UGGT2: variants seen among roughly 807,000 people sequenced by gnomAD.
The protein encoded by UGGT2 is UDP-glucose:glycoprotein glucosyltransferase 2.
In UGGT2, 180 loss-of-function variants were observed where a neutral mutation model predicts 192.1. The observed-to-expected ratio is 0.94, with a 90% CI of 0.83 to 1.06. UGGT2 has a LOEUF of 1.06. Among genes scored for constraint, UGGT2 ranks in the 50% least tolerant of loss-of-function variants. The pLI is 0.00. For synonymous variants in UGGT2, 580 were observed against 591.0 expected, an observed-to-expected ratio of 0.98 and a Z score of 0.27; for missense variants, 1,849 against 1,795.7, an observed-to-expected ratio of 1.03 and a Z score of -0.54.
chr13:95,936,464 C>T (rs2049466276), intron 17 of UGGT2, among the ~76,000 whole-genome samples: 1 of 152,188 alleles, frequency 6.6e-6, no homozygotes, highest in Non-Finnish European at 1.5e-5. Context: ...GTCTGGCCTC[C>T]CTGCTCAGAC....
intron 38 of UGGT2, among the ~76,000 whole-genome samples, chr13:95,825,053 A>C (rs1212010466): frequency 1.3e-5 from 2 of 151,930 alleles, no homozygotes; most frequent in African/African-American, 2.4e-5. Flanking sequence ...GGTTGTGGAG[A>C]GTCTTTCTAT....
intron 17 of UGGT2, among the ~76,000 whole-genome samples, chr13:95,929,374 G>A (rs1230295198): frequency 6.6e-6 from 1 of 152,070 alleles, no homozygotes; most frequent in East Asian, 1.9e-4. Flanking sequence ...GCTGAAGTTG[G>A]GGTTATGACT....
At chr13:95,856,855 T>C (rs1201818513) in intron 33 of UGGT2, among the ~76,000 whole-genome samples, 1 of 152,146 alleles carries the variant, frequency 6.6e-6, no homozygotes, top group Non-Finnish European at 1.5e-5. Flanking sequence ...GGATTAAAAA[T>C]ACAAAGTAGT....
intron 20 of UGGT2, among the ~76,000 whole-genome samples, chr13:95,905,613 G>A (rs1460800440): frequency 6.6e-6 from 1 of 151,896 alleles, no homozygotes; most frequent in Non-Finnish European, 1.5e-5. Flanking sequence ...TTGTAGATAT[G>A]CGGCGTTATT....
At chr13:95,851,883 T>C (rs955845225) in intron 36 of UGGT2, among the ~76,000 whole-genome samples, 1 of 151,994 alleles carries the variant, frequency 6.6e-6, no homozygotes, top group Non-Finnish European at 1.5e-5. Flanking sequence ...TCATTCATAT[T>C]TAAGACTAAG....
intron 4 of UGGT2, among the ~76,000 whole-genome samples, chr13:96,022,266 A>T (rs2052536624): frequency 6.6e-6 from 1 of 152,118 alleles, no homozygotes; most frequent in Non-Finnish European, 1.5e-5. Flanking sequence ...TTAATGTAAA[A>T]TAAAAGGAAA....
At chr13:95,992,144 C>T (rs1480825536) in intron 7 of UGGT2, among the ~76,000 whole-genome samples, 2 of 151,894 alleles carry the variant, frequency 1.3e-5, no homozygotes, top group African/African-American at 4.8e-5. Flanking sequence ...GCCTGGGTGA[C>T]AGAGCTAGAG....
At chr13:95,983,695 CA>C in intron 10 of UGGT2, 108 bp downstream of exon 10, 1 of 867,892 alleles carries the variant, frequency 1.2e-6, no homozygotes, top group Non-Finnish European at 1.8e-6. Context: ...TTTTAATAAT[CA>C]AAAAAGCACA....
intron 29 of UGGT2, among the ~76,000 whole-genome samples, chr13:95,874,234 G>A (rs1043104386): frequency 2.0e-5 from 3 of 152,144 alleles, no homozygotes; most frequent in Non-Finnish European, 4.4e-5. Flanking sequence ...CTTATCCACA[G>A]GGTATAGGTT....
chr13:95,897,220 T>C (rs1336683649), intron 22 of UGGT2, among the ~76,000 whole-genome samples: 1 of 151,980 alleles, frequency 6.6e-6, no homozygotes, highest in African/African-American at 2.4e-5. Context: ...ATCATTCTCA[T>C]TGTCCAAATG....
intron 5 of UGGT2, among the ~76,000 whole-genome samples, chr13:96,001,158 C>T (rs532133582): frequency 3.3e-5 from 5 of 152,262 alleles, no homozygotes; most frequent in South Asian, 4.1e-4. Context: ...CACGTATATG[C>T]CCAGATGGCC....
At chr13:95,949,535 T>C (rs1014249376) in intron 12 of UGGT2, 81 bp from the exon 13 acceptor site, 2 of 1,256,498 alleles carry the variant, frequency 1.6e-6, no homozygotes, top group African/African-American at 1.5e-5. Flanking sequence ...TATATCGTGA[T>C]AAATAAAAAT....
At chr13:95,983,575 C>T (rs980508525) in intron 10 of UGGT2, 11 of 604,492 alleles carry the variant, frequency 1.8e-5, no homozygotes, top group African/African-American at 9.0e-5. Flanking sequence ...CATACTACCT[C>T]GGAAGAAATT....
intron 12 of UGGT2, among the ~76,000 whole-genome samples, chr13:95,951,320 G>A (rs1488731681): frequency 6.6e-6 from 1 of 152,230 alleles, no homozygotes; most frequent in East Asian, 1.9e-4. Flanking sequence ...GCATATTTGA[G>A]CAGTTAGAAG....
At chr13:95,924,692 ATC>A (rs1359175966) in intron 20 of UGGT2, among the ~76,000 whole-genome samples, 1 of 152,056 alleles carries the variant, frequency 6.6e-6, no homozygotes, top group Non-Finnish European at 1.5e-5. Flanking sequence ...CTCAGTCTTT[ATC>A]TCTTTACCCT....
At chr13:95,927,412 A>G in intron 17 of UGGT2, 76 bp from the exon 18 acceptor site, 2 of 1,230,338 alleles carry the variant, frequency 1.6e-6, no homozygotes, top group Non-Finnish European at 2.2e-6. Flanking sequence ...AGATAACACA[A>G]AGATTACTTA....
chr13:95,882,755 C>T (rs1041589163), intron 27 of UGGT2, among the ~76,000 whole-genome samples: 3 of 152,178 alleles, frequency 2.0e-5, no homozygotes, highest in Non-Finnish European at 2.9e-5. Flanking sequence ...TTTAGTTAAT[C>T]TCCATCAGCT....
intron 20 of UGGT2, among the ~76,000 whole-genome samples, chr13:95,913,379 A>C (rs1448659482): frequency 2.6e-5 from 4 of 152,226 alleles, no homozygotes; most frequent in Non-Finnish European, 1.5e-5. Flanking sequence ...AAAGAACTCA[A>C]ACAAACTTAT....
chr13:95,918,169 T>C (rs920709930), intron 20 of UGGT2, among the ~76,000 whole-genome samples: 16 of 152,008 alleles, frequency 1.1e-4, no homozygotes, highest in Admixed American at 9.2e-4. Context: ...GCAAAATAAG[T>C]GAAATCGTAA....
Sources: gnomAD v4.1 joint callset for allele counts (sites outside exome capture counted in the v4.1 genomes callset) on GRCh38, gnomAD v4.1.1 for gene constraint, MANE v1.5 for transcripts, NCBI Gene and HGNC (gene_info 2026-07-23, HGNC 2026-07-21) for gene names.